The following SNX25 variants were observed in gnomAD, a reference collection of about 807,000 sequenced individuals.
The protein encoded by SNX25 is sorting nexin 25, also known as sorting nexin-25.
SNX25 carries 62 observed loss-of-function variants against 113.7 expected under a neutral mutation model. The ratio of observed to expected loss-of-function variants is 0.55; its 90% CI spans 0.44 to 0.67. The LOEUF is 0.67. SNX25 is among the 30% of genes least tolerant of loss of function. The probability of loss-of-function intolerance (pLI) is 0.00; values close to 1 mark genes in which losing one functional copy is unlikely to be tolerated. For missense variants in SNX25, 1,014 were observed against 1,161.0 expected, an observed-to-expected ratio of 0.87 and a Z score of 1.84; for synonymous variants, 421 against 436.2, an observed-to-expected ratio of 0.97 and a Z score of 0.43.
chr4:185,233,733 T>C (rs1414974586), intron 1 of SNX25, among the ~76,000 whole-genome samples: 1 of 152,224 alleles, frequency 6.6e-6, no homozygotes, highest in African/African-American at 2.4e-5. Flanking sequence ...TAAATTTCTC[T>C]TGTAATCAAA....
At chr4:185,376,749 T>C in the SNX25 span, among the ~76,000 whole-genome samples, 1 of 152,208 alleles carries the variant, frequency 6.6e-6, no homozygotes, top group Non-Finnish European at 1.5e-5. Context: ...CTCCTCAAGC[T>C]GGCAGCACTG....
At chr4:185,269,503 A>C (rs751826681) in intron 5 of SNX25, among the ~76,000 whole-genome samples, 3 of 152,190 alleles carry the variant, frequency 2.0e-5, no homozygotes, top group Non-Finnish European at 2.9e-5. Context: ...CTTTGACCAA[A>C]TAGTCGTTCC....
chr4:185,316,283 T>C (rs891698749), intron 7 of SNX25, among the ~76,000 whole-genome samples: 1 of 152,168 alleles, frequency 6.6e-6, no homozygotes, highest in Non-Finnish European at 1.5e-5. Flanking sequence ...TATTAACAAG[T>C]CTCCGAACAA....
chr4:185,207,894 ATTAAT>A (rs1737257361), upstream of SNX25: 1 of 152,222 alleles, frequency 6.6e-6, no homozygotes, highest in African/African-American at 2.4e-5. Flanking sequence ...AAATTGAAAA[ATTAAT>A]TTAAATTTAT....
intron 1 of SNX25, among the ~76,000 whole-genome samples, chr4:185,225,414 G>A (rs551717843): frequency 3.3e-5 from 5 of 152,172 alleles, no homozygotes; most frequent in Admixed American, 6.5e-5. Flanking sequence ...GTGAGCCACC[G>A]CACCCGGCCA....
At chr4:185,341,721 TC>T (rs1015834560) in intron 11 of SNX25, among the ~76,000 whole-genome samples, 8 of 152,354 alleles carry the variant, frequency 5.3e-5, no homozygotes, top group African/African-American at 1.9e-4. Context: ...CTTTCTGACT[TC>T]CTTTCGTATC....
At chr4:185,329,038 G>C (rs2095176180) in intron 9 of SNX25, among the ~76,000 whole-genome samples, 1 of 152,056 alleles carries the variant, frequency 6.6e-6, no homozygotes, top group African/African-American at 2.4e-5. Context: ...ACCCGGGGAG[G>C]GTTTTCATTA....
At position 185,298,229 on chromosome 4, in the gene SNX25, C is replaced by T. The variant is rs1231195916; in HGVS notation, c.1162+10147C>T. On this transcript the variant is annotated intron_variant, in intron 6 of 18. Transcript: ENST00000652585. ...TCAGCCTCCTGACTAGCTGGGATTA[C>T]AGGCATGCACCACCACACCGGGCTA... Among the ~76,000 whole-genome samples the T allele has an allele frequency of 2.0e-5, 3 of 151,816 alleles. No homozygotes were observed. In the East Asian group the frequency reaches 5.8e-4, roughly 29 times the overall value.
At chr4:185,359,878 A>C (rs569341129) in intron 16 of SNX25, among the ~76,000 whole-genome samples, 1 of 152,238 alleles carries the variant, frequency 6.6e-6, no homozygotes, top group Non-Finnish European at 1.5e-5. Context: ...GAGAAGAGGC[A>C]CATGTAGAGG....
intron 1 of SNX25, among the ~76,000 whole-genome samples, chr4:185,213,390 A>G (rs1022119008): frequency 6.6e-6 from 1 of 152,248 alleles, no homozygotes; most frequent in Admixed American, 6.5e-5. Flanking sequence ...CTTCCGTGGT[A>G]TCTTCAGATA....
intron 6 of SNX25, among the ~76,000 whole-genome samples, chr4:185,299,000 G>A (rs1753249866): frequency 6.6e-6 from 1 of 152,170 alleles, no homozygotes; most frequent in African/African-American, 2.4e-5. Context: ...TCAGATCATG[G>A]TCAACACACA....
chr4:185,346,797 T>C, intron 13 of SNX25, 147 bp downstream of exon 13: 1 of 582,098 alleles, frequency 1.7e-6, no homozygotes, highest in Non-Finnish European at 3.0e-6. Flanking sequence ...TTTTTTTAAT[T>C]AAAGGAAAAT....
At chr4:185,205,657 C>T (rs937606406), upstream of SNX25, among the ~76,000 whole-genome samples, 1 of 151,972 alleles carries the variant, frequency 6.6e-6, no homozygotes. Flanking sequence ...GGTGAAACTC[C>T]GTCTCTACTA....
the SNX25 span, chr4:185,376,798 T>G: frequency 1.4e-6 from 1 of 703,344 alleles, no homozygotes; most frequent in East Asian, 2.7e-5. Context: ...TCGATGTAAT[T>G]GGACAGAATT....
intron 16 of SNX25, among the ~76,000 whole-genome samples, chr4:185,361,423 C>G (rs574312899): frequency 6.6e-6 from 1 of 152,290 alleles, no homozygotes; most frequent in African/African-American, 2.4e-5. Context: ...CCAGGAATAA[C>G]TGCTCATGCA....
intron 5 of SNX25, among the ~76,000 whole-genome samples, chr4:185,281,970 TG>T (rs1240014781): frequency 6.6e-6 from 1 of 152,048 alleles, no homozygotes; most frequent in African/African-American, 2.4e-5. Flanking sequence ...GAGTCGAGAT[TG>T]CACCATTGCA....
intron 1 of SNX25, among the ~76,000 whole-genome samples, chr4:185,213,219 T>A (rs1422877529): frequency 6.6e-6 from 1 of 152,242 alleles, no homozygotes; most frequent in Non-Finnish European, 1.5e-5. Flanking sequence ...AAGAACGTTA[T>A]GTCCATTTAT....
intron 6 of SNX25, among the ~76,000 whole-genome samples, chr4:185,289,449 G>T (rs1446585109): frequency 2.0e-5 from 3 of 152,174 alleles, no homozygotes; most frequent in East Asian, 1.9e-4. Flanking sequence ...AAGCCTGGGG[G>T]TATCTGGAGA....
chr4:185,264,939 A>G (rs1307478203), intron 4 of SNX25, among the ~76,000 whole-genome samples: 1 of 152,062 alleles, frequency 6.6e-6, no homozygotes, highest in African/African-American at 2.4e-5. Context: ...TATAATATCT[A>G]TATAATATCC....
Sources: gnomAD v4.1 joint callset for allele counts (sites outside exome capture counted in the v4.1 genomes callset) on GRCh38, gnomAD v4.1.1 for gene constraint, MANE v1.5 for transcripts, NCBI Gene and HGNC (gene_info 2026-07-23, HGNC 2026-07-21) for gene names.